The following ITGB3 variants were observed in gnomAD, a reference collection of about 807,000 sequenced individuals.
ITGB3 encodes the protein integrin subunit beta 3.
In ITGB3, 48 loss-of-function variants were observed where a neutral mutation model predicts 85.8. That is an observed-to-expected ratio of 0.56 (90% CI 0.44 to 0.71). The LOEUF (loss-of-function observed/expected upper bound fraction) is 0.71, where lower values mean the gene tolerates loss of function less well. Ranked by LOEUF, ITGB3 falls within the 30% of genes least tolerant of loss-of-function variation. ITGB3 has a pLI of 0.00. For synonymous variants in ITGB3, 363 were observed against 395.6 expected (o/e 0.92, Z 0.98); for missense variants, 861 against 1,019.1 (o/e 0.84, Z 2.11).
At chr17:47,302,337 C>A (rs1008819786) in intron 12 of ITGB3, among the ~76,000 whole-genome samples, 3 of 152,146 alleles carry the variant, frequency 2.0e-5, no homozygotes, top group African/African-American at 7.2e-5. Context: ...CTGTTTAGTT[C>A]ACCGACCTTG....
At chr17:47,273,207 T>C (rs1318661257) in intron 1 of ITGB3, among the ~76,000 whole-genome samples, 1 of 152,208 alleles carries the variant, frequency 6.6e-6, no homozygotes, top group African/African-American at 2.4e-5. Flanking sequence ...ATGAGAAGTT[T>C]TGGGGACACT....
At chr17:47,295,977 G>T (rs1395359593) in intron 10 of ITGB3, among the ~76,000 whole-genome samples, 1 of 152,240 alleles carries the variant, frequency 6.6e-6, no homozygotes, top group Non-Finnish European at 1.5e-5. Context: ...GCCTGGCTTT[G>T]TGGTGCCATT....
chr17:47,302,650 T>C, intron 12 of ITGB3, 71 bp from the exon 13 acceptor site: 3 of 1,574,926 alleles, frequency 1.9e-6, no homozygotes, highest in East Asian at 2.2e-5. Flanking sequence ...AGTCCTGTGA[T>C]AGGGGTTTGG....
Position 47,312,387 on chromosome 17 carries a change from T to C in ITGB3, c.*2183T>C, listed in dbSNP as rs1455491802. On this transcript the variant is annotated 3_prime_UTR_variant, in exon 15 of 15. Coordinates refer to ENST00000559488, the MANE Select transcript of ITGB3 (RefSeq NM_000212.3). ...CTCCTTACTGTAGGGAATGGCAGTA[T>C]GGTAGAGGGATAAATAGGGGGCGGG... Among the ~76,000 whole-genome samples, 1 of 152,094 alleles carries C rather than the reference T, an allele frequency of 6.6e-6. No individual in the cohort carries two copies.
intron 12 of ITGB3, among the ~76,000 whole-genome samples, 176 bp from the exon 13 acceptor site, chr17:47,302,545 T>C (rs934352696): frequency 6.6e-6 from 1 of 152,070 alleles, no homozygotes; most frequent in African/African-American, 2.4e-5. Flanking sequence ...CATCAGTGAG[T>C]GTCAGTGAGT....
rs113815893 is a variant in ITGB3 at position 47,272,354 on chromosome 17, A to ATT, written c.80-2056_80-2055dup. Among the ~76,000 whole-genome samples, 5 of 150,196 alleles carry ATT rather than the reference A, an allele frequency of 3.3e-5. No individual in the cohort carries two copies. The East Asian group carries it at 5.8e-4, about 18-fold the overall frequency. ...CAGGTGTGAGCCACTGCGCTTGGCC[A>ATT]TTTTTTTTTTAAAAGAATAATATAC... On this transcript the variant is annotated intron_variant, in intron 1 of 14. Coordinates refer to ENST00000559488, the MANE Select transcript of ITGB3 (RefSeq NM_000212.3).
intron 10 of ITGB3, among the ~76,000 whole-genome samples, chr17:47,298,016 C>T (rs921866145): frequency 7.2e-5 from 11 of 152,112 alleles, no homozygotes; most frequent in African/African-American, 2.7e-4. Flanking sequence ...AAGTCTGTTC[C>T]ACTGCACTCC....
rs867254611 is a variant in ITGB3 at position 47,300,374 on chromosome 17, T to C, written c.1914-104T>C. On this transcript the variant is annotated intron_variant, in intron 11 of 14. Coordinates refer to ENST00000559488, the MANE Select transcript of ITGB3 (RefSeq NM_000212.3). The stretch of plus-strand genomic sequence containing the variant: ...GTGTGTGTGTGTGTGTGTGTTTTAA[T>C]GGAGGTGGAGCAGCTTTCTGAATGC... 6 of 790,134 alleles carry C rather than the reference T, an allele frequency of 7.6e-6. No homozygotes were observed. The Middle Eastern group carries it at 1.7e-3, about 228-fold the overall frequency. The allele number at this position is 790,134 out of a possible 1,614,324, so 48.9% of individuals were successfully genotyped here. A position where few individuals can be genotyped will look rare whatever the true frequency, so the allele number is the denominator to read the frequency against.
intron 13 of ITGB3, among the ~76,000 whole-genome samples, chr17:47,306,034 A>G (rs1673543453): frequency 6.6e-6 from 1 of 152,228 alleles, no homozygotes; most frequent in African/African-American, 2.4e-5. Context: ...AATTTTCCAA[A>G]GATCATGTAT....
At position 47,310,262 on chromosome 17, in the gene ITGB3, G is replaced by T; in HGVS notation, c.*58G>T. 1 of 1,508,258 alleles carries T rather than the reference G, an allele frequency of 6.6e-7. No homozygotes were observed. The allele number at this position is 1,508,258 out of a possible 1,614,324, so 93.4% of individuals were successfully genotyped here. ...CTGTGCCACGATTGCAGGAGTCCCT[G>T]CCATCATGTTTACAGAGGACAGTAT... On this transcript the variant is annotated 3_prime_UTR_variant, in exon 15 of 15. Transcript: ENST00000559488.
chr17:47,269,823 A>G (rs1253100599), intron 1 of ITGB3, among the ~76,000 whole-genome samples: 2 of 152,156 alleles, frequency 1.3e-5, no homozygotes. Flanking sequence ...CCACTCTACC[A>G]TTGCCAATTT....
Position 47,280,293 on chromosome 17 carries a change from G to A in ITGB3, c.166-3061G>A, listed in dbSNP as rs2065079245. Among the ~76,000 whole-genome samples, 2 of 152,220 alleles carry A rather than the reference G, an allele frequency of 1.3e-5. 1 individual carries two copies. The highest frequency in any genetic ancestry group is 4.1e-4 in the South Asian group (2 of 4,830). ...GGAAGGCTTCAGCCCATGAAAGGGG[G>A]ATCGGACTGGAGAGGGAGAGAGACT... On this transcript the variant is annotated intron_variant, in intron 2 of 14. Transcript: ENST00000559488.
At chr17:47,268,070 A>T (rs1413172605) in intron 1 of ITGB3, among the ~76,000 whole-genome samples, 1 of 152,202 alleles carries the variant, frequency 6.6e-6, no homozygotes, top group African/African-American at 2.4e-5. Context: ...AAAGCCCCTT[A>T]TAAAACCATC....
intron 1 of ITGB3, among the ~76,000 whole-genome samples, chr17:47,270,134 C>T (rs1331537617): frequency 6.6e-6 from 1 of 152,208 alleles, no homozygotes; most frequent in African/African-American, 2.4e-5. Flanking sequence ...CACTGAGTCC[C>T]TCTCATGACC....
intron 6 of ITGB3, among the ~76,000 whole-genome samples, chr17:47,288,390 T>A (rs2065112439): frequency 6.6e-6 from 1 of 152,154 alleles, no homozygotes; most frequent in African/African-American, 2.4e-5. Flanking sequence ...TATATGGCCA[T>A]AGAAGGTTAA....
Position 47,299,668 on chromosome 17 carries a change from C to G in ITGB3, c.1913+138C>G. 1 of 859,386 alleles carries G rather than the reference C, an allele frequency of 1.2e-6. No individual in the cohort carries two copies. Among genetic ancestry groups the G allele is most frequent in the Non-Finnish European group, 1.9e-6 (1 of 529,296 alleles). The allele number at this position is 859,386 out of a possible 1,614,324, so 53.2% of individuals were successfully genotyped here. On this transcript the variant is annotated intron_variant, in intron 11 of 14. Coordinates refer to ENST00000559488, the MANE Select transcript of ITGB3 (RefSeq NM_000212.3). The surrounding 1 kb of genome is among the most constrained non-coding windows in gnomAD (Gnocchi z 5.1). ...GAGTCCACTCCAGCCAGATGGCTGT[C>G]TCTCCTTTTGCCAAAGGCTTTGGGC...
At chr17:47,281,151 A>G (rs547416888) in intron 2 of ITGB3, among the ~76,000 whole-genome samples, 1 of 152,360 alleles carries the variant, frequency 6.6e-6, no homozygotes, top group East Asian at 1.9e-4. Context: ...TGCTCACCAC[A>G]GTGCCTGACA....
intron 11 of ITGB3, among the ~76,000 whole-genome samples, chr17:47,300,030 C>T (rs2065160331): frequency 6.6e-6 from 1 of 152,224 alleles, no homozygotes; most frequent in Non-Finnish European, 1.5e-5. Flanking sequence ...GGCCCTGTGC[C>T]TACAAGGGCC....
chr17:47,272,120 A>G (rs947044272), intron 1 of ITGB3, among the ~76,000 whole-genome samples: 6 of 138,688 alleles, frequency 4.3e-5, no homozygotes, highest in African/African-American at 1.7e-4. Flanking sequence ...CAGTGACACT[A>G]TCTTGGCTCA....
Sources: gnomAD v4.1 joint callset for allele counts (sites outside exome capture counted in the v4.1 genomes callset) on GRCh38, gnomAD v4.1.1 for gene constraint, Gnocchi (gnomAD v3.1) non-coding constraint, MANE v1.5 for transcripts, NCBI Gene and HGNC (gene_info 2026-07-23, HGNC 2026-07-21) for gene names.